The following IPO11 variants were observed in gnomAD, a reference collection of about 807,000 sequenced individuals.
The protein encoded by IPO11 is importin 11.
IPO11 carries 66 observed loss-of-function variants against 143.2 expected under a neutral mutation model. The observed-to-expected ratio is 0.46, with a 90% CI of 0.38 to 0.57. The LOEUF is 0.57. Ranked by LOEUF, IPO11 falls within the 20% of genes least tolerant of loss-of-function variation. IPO11 has a pLI of 0.00. For synonymous variants in IPO11, 385 were observed against 377.8 expected (o/e 1.02, Z -0.22); for missense variants, 1,026 against 1,141.0 (o/e 0.90, Z 1.45).
At chr5:62,536,613 G>A in intron 22 of IPO11, 89 bp from the exon 23 acceptor site, 1 of 1,450,018 alleles carries the variant, frequency 6.9e-7, no homozygotes, top group Non-Finnish European at 9.2e-7. Context: ...ATGCAAATTA[G>A]TTTTAAATAA....
chr5:62,621,700 G>T (rs1746383287), intron 29 of IPO11, among the ~76,000 whole-genome samples: 2 of 152,158 alleles, frequency 1.3e-5, no homozygotes, highest in African/African-American at 2.4e-5. Flanking sequence ...ATATATAAAT[G>T]TATGTTGCTG....
intron 26 of IPO11, 106 bp from the exon 27 acceptor site, chr5:62,561,030 T>A (rs1044311554): frequency 3.0e-6 from 3 of 994,506 alleles, no homozygotes; most frequent in African/African-American, 1.6e-5. Flanking sequence ...TGGTTTACTA[T>A]AATTGAATTT....
chr5:62,546,712 GTA>G (rs1159407088), intron 24 of IPO11, among the ~76,000 whole-genome samples: 18 of 152,278 alleles, frequency 1.2e-4, no homozygotes, highest in African/African-American at 4.3e-4. Flanking sequence ...AAAACAATTA[GTA>G]ATAGGTAATT....
At chr5:62,438,811 G>A (rs961010987) in intron 2 of IPO11, among the ~76,000 whole-genome samples, 5 of 151,968 alleles carry the variant, frequency 3.3e-5, no homozygotes, top group Non-Finnish European at 7.4e-5. Context: ...TGTCATCCCA[G>A]CACTTTGGGA....
rs549952629 is a variant in IPO11 at position 62,458,139 on chromosome 5, T to A, written c.516+6206T>A. Reference sequence around the variant, plus strand: ...TCCAGCCTGGGCGACAGAGCGAGACTCTGTCTCAAAAAAAAAAAAAAAAAA... The same window carrying A: ...TCCAGCCTGGGCGACAGAGCGAGACACTGTCTCAAAAAAAAAAAAAAAAAA... On this transcript the variant is annotated intron_variant, in intron 5 of 29. Coordinates refer to ENST00000325324, the MANE Select transcript of IPO11 (RefSeq NM_016338.5). Among the ~76,000 whole-genome samples, 70 of 137,700 alleles carry A rather than the reference T, an allele frequency of 5.1e-4. 1 individual carries two copies. Among genetic ancestry groups the A allele is most frequent in the African/African-American group, 1.8e-3 (67 of 36,684 alleles). 90.3% of individuals were successfully genotyped at this position (137,700 alleles called of 152,430 possible). A position where few individuals can be genotyped will look rare whatever the true frequency, so the allele number is the denominator to read the frequency against.
intron 19 of IPO11, among the ~76,000 whole-genome samples, chr5:62,514,210 A>C (rs1227075791): frequency 1.3e-5 from 2 of 152,082 alleles, no homozygotes; most frequent in East Asian, 3.8e-4. Flanking sequence ...CAGGGGCTGC[A>C]ATCTCTGCAC....
chr5:62,476,545 G>C (rs1223624657), intron 8 of IPO11, 138 bp from the exon 9 acceptor site: 3 of 875,022 alleles, frequency 3.4e-6, no homozygotes, highest in Non-Finnish European at 4.9e-6. Flanking sequence ...TGTAAATCTT[G>C]GTATTGCTTT....
chr5:62,478,942 T>A (rs2112214506), intron 9 of IPO11, among the ~76,000 whole-genome samples: 1 of 152,308 alleles, frequency 6.6e-6, no homozygotes, highest in South Asian at 2.1e-4. Flanking sequence ...TCTTTTTCTC[T>A]TTTTTAAATT....
In IPO11 at chr5:62,627,236, G is replaced by C. The variant is rs758045217; in HGVS notation, c.2846G>C (p.Gly949Ala). 3.1e-6 allele frequency: 5 copies of C among 1,614,122 alleles called. No individual in the cohort carries two copies. In the South Asian group the frequency reaches 5.5e-5, roughly 18 times the overall value. The change falls in exon 30 of 30, where the codon GGA becomes GCA. Residue 949 changes from glycine (G) to alanine (A), a missense_variant. Coordinates refer to ENST00000325324, the MANE Select transcript of IPO11 (RefSeq NM_016338.5). ...EKLKAQQEML[G>A]EQGFQSLMET... ...CTCAAGGCACAGCAGGAGATGCTAG[G>C]AGAACAAGGTTTCCAGTCCCTCATG...
At chr5:62,463,679 A>T (rs976895666) in intron 5 of IPO11, among the ~76,000 whole-genome samples, 2 of 151,932 alleles carry the variant, frequency 1.3e-5, no homozygotes, top group African/African-American at 2.4e-5. Context: ...TCTCAAAAAA[A>T]AAAAAAAGTT....
intron 7 of IPO11, among the ~76,000 whole-genome samples, chr5:62,473,574 A>G (rs1745856934): frequency 6.6e-6 from 1 of 152,140 alleles, no homozygotes; most frequent in Non-Finnish European, 1.5e-5. Context: ...ATAGAGAGGA[A>G]TTGTGGCATT....
At chr5:62,540,064 A>G (rs2112329366) in intron 24 of IPO11, among the ~76,000 whole-genome samples, 1 of 152,310 alleles carries the variant, frequency 6.6e-6, no homozygotes, top group Non-Finnish European at 1.5e-5. Context: ...GAGCTTCTCC[A>G]TTATCCAAAG....
rs931030782 is a variant in IPO11 at position 62,452,012 on chromosome 5, A to G, written c.516+79A>G. On this transcript the variant is annotated intron_variant, in intron 5 of 29. Coordinates refer to ENST00000325324, the MANE Select transcript of IPO11 (RefSeq NM_016338.5). ...GGTGGCTTATGCCTGTAATCTCAGC[A>G]CTTTGGGAGGCCGAGGCGGGTGGAT... 1.1e-5 allele frequency: 12 copies of G among 1,135,568 alleles called. No homozygotes were observed. In the African/African-American group the frequency reaches 1.7e-4, roughly 16 times the overall value. The allele number at this position is 1,135,568 out of a possible 1,614,324, so 70.3% of individuals were successfully genotyped here. A position where few individuals can be genotyped will look rare whatever the true frequency, so the allele number is the denominator to read the frequency against.
intron 1 of IPO11, among the ~76,000 whole-genome samples, chr5:62,419,669 T>A (rs138184301): frequency 1.3e-5 from 2 of 152,208 alleles, no homozygotes; most frequent in East Asian, 1.9e-4. Context: ...CTTTTTTTTT[T>A]AATAGGAGTA....
At chr5:62,508,096 C>T (rs1410709885) in intron 19 of IPO11, among the ~76,000 whole-genome samples, 1 of 151,950 alleles carries the variant, frequency 6.6e-6, no homozygotes, top group African/African-American at 2.4e-5. Flanking sequence ...TGACGTTTGT[C>T]CATGAGGCAG....
intron 2 of IPO11, among the ~76,000 whole-genome samples, 170 bp from the exon 3 acceptor site, chr5:62,442,813 G>A (rs1251602785): frequency 1.3e-5 from 2 of 152,028 alleles, no homozygotes; most frequent in Admixed American, 6.6e-5. Flanking sequence ...GCAGTGAGCC[G>A]AAATCGTGTC....
At chr5:62,610,010 G>A (rs1020403711) in intron 29 of IPO11, among the ~76,000 whole-genome samples, 2 of 152,224 alleles carry the variant, frequency 1.3e-5, no homozygotes, top group African/African-American at 4.8e-5. Context: ...GGGAAGCACT[G>A]CCTAGCTCTC....
At chr5:62,560,935 G>A (rs893441894) in intron 26 of IPO11, 7 of 408,170 alleles carry the variant, frequency 1.7e-5, no homozygotes, top group African/African-American at 1.4e-4. Flanking sequence ...TAGCTGTCAG[G>A]ATTAATTAGA....
chr5:62,497,785 A>G (rs1741206768), intron 16 of IPO11, among the ~76,000 whole-genome samples: 1 of 151,880 alleles, frequency 6.6e-6, no homozygotes, highest in South Asian at 2.1e-4. Context: ...CTTTTTCTTC[A>G]CTCTTGGTTT....
Sources: allele counts gnomAD v4.1 joint callset (sites outside exome capture counted in the v4.1 genomes callset), GRCh38; gene constraint gnomAD v4.1.1; transcripts MANE v1.5; gene names NCBI Gene and HGNC (gene_info 2026-07-23, HGNC 2026-07-21).